Variants in PACRG observed in about 807,000 individuals in gnomAD.
The protein encoded by PACRG is parkin coregulated.
In PACRG, 29 loss-of-function variants were observed where a neutral mutation model predicts 29.7. The observed-to-expected ratio is 0.98, with a 90% confidence interval of 0.73 to 1.33. The LOEUF (loss-of-function observed/expected upper bound fraction) is 1.33, where lower values mean the gene tolerates loss of function less well. PACRG is among the 40% of genes most tolerant of loss of function. The probability of loss-of-function intolerance (pLI) is 0.00; values close to 1 mark genes in which losing one functional copy is unlikely to be tolerated. For missense variants in PACRG, 279 were observed against 316.2 expected (o/e 0.88, Z 0.89); for synonymous variants, 116 against 118.7 (o/e 0.98, Z 0.15).
chr6:163,161,004 T>A (rs960689557), intron 4 of PACRG, among the ~76,000 whole-genome samples: 1 of 152,162 alleles, frequency 6.6e-6, no homozygotes, highest in Non-Finnish European at 1.5e-5. Context: ...ACGCCCAAGG[T>A]GACAGTTAGG....
At chr6:163,178,875 T>G (rs1779514209) in intron 4 of PACRG, among the ~76,000 whole-genome samples, 1 of 152,226 alleles carries the variant, frequency 6.6e-6, no homozygotes, top group South Asian at 2.1e-4. Flanking sequence ...GTATTTTAAG[T>G]TGCCATTCAA....
At chr6:163,086,117 A>G (rs1161165788) in intron 3 of PACRG, among the ~76,000 whole-genome samples, 1 of 152,174 alleles carries the variant, frequency 6.6e-6, no homozygotes, top group Non-Finnish European at 1.5e-5. Flanking sequence ...TAGACTTTGA[A>G]AGAATATCAA....
chr6:163,151,239 G>A (rs985153021), intron 4 of PACRG, among the ~76,000 whole-genome samples: 6 of 152,098 alleles, frequency 3.9e-5, no homozygotes, highest in African/African-American at 1.2e-4. Flanking sequence ...TTGTTGGCCC[G>A]GATCTTGGTT....
At chr6:162,816,344 A>AT (rs971445543) in intron 2 of PACRG, among the ~76,000 whole-genome samples, 13 of 151,986 alleles carry the variant, frequency 8.6e-5, no homozygotes, top group African/African-American at 3.1e-4. Context: ...CATTAAGATT[A>AT]TTTTTTATTT....
intron 4 of PACRG, among the ~76,000 whole-genome samples, chr6:163,149,457 C>T (rs904919577): frequency 2.0e-5 from 3 of 152,200 alleles, no homozygotes; most frequent in Admixed American, 6.5e-5. Flanking sequence ...CTGGAGAACA[C>T]GGCCTTGTGA....
At chr6:162,756,814 C>G (rs1781961366) in intron 1 of PACRG, among the ~76,000 whole-genome samples, 1 of 151,986 alleles carries the variant, frequency 6.6e-6, no homozygotes, top group South Asian at 2.1e-4. Context: ...TAGAATTATT[C>G]TATTTGCTTC....
At chr6:162,857,171 T>A (rs544152679) in intron 2 of PACRG, among the ~76,000 whole-genome samples, 47 of 152,286 alleles carry the variant, frequency 3.1e-4, no homozygotes, top group Admixed American at 7.8e-4. Flanking sequence ...AAGGCCCCCA[T>A]CTTGCTCCGA....
chr6:163,279,675 G>A (rs932235824), intron 4 of PACRG, among the ~76,000 whole-genome samples: 1 of 152,104 alleles, frequency 6.6e-6, no homozygotes, highest in Non-Finnish European at 1.5e-5. Flanking sequence ...AGATTTCTTG[G>A]CAGTTGTGTC....
intron 4 of PACRG, among the ~76,000 whole-genome samples, chr6:163,289,549 C>G (rs1030255982): frequency 2.6e-5 from 4 of 152,062 alleles, no homozygotes; most frequent in Admixed American, 6.5e-5. Context: ...GTTAAGGAAG[C>G]CTTATCATGA....
chr6:163,119,181 G>A (rs1440673295), intron 4 of PACRG, among the ~76,000 whole-genome samples: 1 of 152,218 alleles, frequency 6.6e-6, no homozygotes, highest in Non-Finnish European at 1.5e-5. Context: ...GGGCCACAGA[G>A]GGGACAACTG....
At chr6:162,944,313 G>A (rs1313418595) in intron 2 of PACRG, among the ~76,000 whole-genome samples, 2 of 152,140 alleles carry the variant, frequency 1.3e-5, no homozygotes, top group Non-Finnish European at 2.9e-5. Context: ...GGTACATCTT[G>A]AGGAAAAAAT....
At chr6:162,949,185 AATC>A (rs1799463925) in intron 2 of PACRG, among the ~76,000 whole-genome samples, 2 of 152,162 alleles carry the variant, frequency 1.3e-5, no homozygotes, top group African/African-American at 4.8e-5. Context: ...AAAAAATTGA[AATC>A]ATGTCATTTG....
intron 2 of PACRG, among the ~76,000 whole-genome samples, chr6:162,816,041 T>C (rs1787308737): frequency 6.6e-6 from 1 of 152,136 alleles, no homozygotes; most frequent in Non-Finnish European, 1.5e-5. Context: ...TGAAAATAAA[T>C]TATTAATAAA....
chr6:162,799,808 T>C (rs1785702192), intron 1 of PACRG, among the ~76,000 whole-genome samples: 1 of 152,210 alleles, frequency 6.6e-6, no homozygotes, highest in Non-Finnish European at 1.5e-5. Context: ...GGTAATAGTC[T>C]CTTAATAGAT....
At chr6:163,269,788 G>T (rs549067637) in intron 4 of PACRG, among the ~76,000 whole-genome samples, 5,181 of 64,224 alleles carry the variant, frequency 0.081, 628 homozygotes, top group African/African-American at 0.13. Flanking sequence ...CAGACAGAAA[G>T]AAAGAAAGGA....
intron 4 of PACRG, among the ~76,000 whole-genome samples, chr6:163,136,957 T>A (rs1278337799): frequency 3.9e-5 from 6 of 152,210 alleles, no homozygotes; most frequent in African/African-American, 1.4e-4. Flanking sequence ...ATATAAACAC[T>A]TTGGATGCAC....
Position 163,159,615 on chromosome 6 carries a change from G to T in PACRG, c.613+70207G>T, listed in dbSNP as rs571232171. Among the ~76,000 whole-genome samples, 207 of 151,996 alleles carry T rather than the reference G, an allele frequency of 1.4e-3. 3 individuals are homozygous for T. Among genetic ancestry groups the T allele is most frequent in the Admixed American group, 1.4e-3 (22 of 15,266 alleles). Reference sequence around the variant, plus strand: ...CAGTATTTAATATAATGAGCGTTCTGGTAAGTTCTTTACATACATTATCTT... The same window carrying T: ...CAGTATTTAATATAATGAGCGTTCTTGTAAGTTCTTTACATACATTATCTT... On this transcript the variant is annotated intron_variant, in intron 4 of 4. Transcript: ENST00000366888.
intron 1 of PACRG, among the ~76,000 whole-genome samples, chr6:162,781,889 G>A (rs898306897): frequency 1.3e-5 from 2 of 151,352 alleles, no homozygotes; most frequent in African/African-American, 4.8e-5. Flanking sequence ...ACAAAAAAAA[G>A]CAATATGTAT....
chr6:163,160,371 T>C (rs1013576084), intron 4 of PACRG, among the ~76,000 whole-genome samples: 1 of 152,216 alleles, frequency 6.6e-6, no homozygotes, highest in Non-Finnish European at 1.5e-5. Context: ...TCAAGCTGTC[T>C]TGTCAAGTGT....
Sources: allele counts gnomAD v4.1 joint callset (sites outside exome capture counted in the v4.1 genomes callset), GRCh38; gene constraint gnomAD v4.1.1; transcripts MANE v1.5; gene names NCBI Gene and HGNC (gene_info 2026-07-23, HGNC 2026-07-21).